CYP26A1: variants seen among roughly 807,000 people sequenced by gnomAD.
CYP26A1 encodes the protein cytochrome P450 family 26 subfamily A member 1, also known as cytochrome P450 26A1.
CYP26A1 carries 46 observed loss-of-function variants against 47.4 expected under a neutral mutation model. That is an observed-to-expected ratio of 0.97 (90% CI 0.77 to 1.24). CYP26A1 has a LOEUF of 1.24. Ranked by LOEUF, CYP26A1 falls within the 50% of genes most tolerant of loss-of-function variation. The pLI, the probability that CYP26A1 is intolerant of heterozygous loss-of-function variation, is 0.00. For missense variants in CYP26A1, 680 were observed against 644.4 expected (o/e 1.06, Z -0.60); for synonymous variants, 277 against 263.7 (o/e 1.05, Z -0.49).
intron 6 of CYP26A1, 100 bp downstream of exon 6, chr10:93,076,796 T>G (rs1846983577): frequency 1.9e-6 from 2 of 1,039,690 alleles, no homozygotes; most frequent in South Asian, 3.1e-5. Context: ...TGATAATTGT[T>G]CTGCCCTATA....
At position 93,074,766 on chromosome 10, in the gene CYP26A1, C is replaced by T. The variant is rs2086021625; in HGVS notation, c.415-13C>T. ...ATGGAGGCTTTTAACGCTGTCCCCT[C>T]CTCGGGACTCAGGTGATTATGCGGG... is the stretch of plus-strand genomic sequence containing the variant. On this transcript the variant is annotated splice_polypyrimidine_tract_variant and intron_variant, in intron 2 of 6. Coordinates refer to ENST00000224356, the MANE Select transcript of CYP26A1 (RefSeq NM_000783.4). This position sits in a 1 kb window ranked among gnomAD's most constrained non-coding sequence, Gnocchi z 5.3. 1.9e-6 allele frequency: 3 copies of T among 1,593,148 alleles called. No homozygotes were observed. Among genetic ancestry groups the T allele is most frequent in the Non-Finnish European group, 2.6e-6 (3 of 1,173,882 alleles).
At position 93,074,606 on chromosome 10, in the gene CYP26A1, A is replaced by G; in HGVS notation, c.414+74A>G. 1 of 1,152,384 alleles carries G rather than the reference A, an allele frequency of 8.7e-7. No individual in the cohort carries two copies. Among genetic ancestry groups the G allele is most frequent in the South Asian group, 1.2e-5 (1 of 80,228 alleles). The allele number at this position is 1,152,384 out of a possible 1,614,324, so 71.4% of individuals were successfully genotyped here. On this transcript the variant is annotated intron_variant, in intron 2 of 6. Transcript: ENST00000224356. The surrounding 1 kb of genome is among the most constrained non-coding windows in gnomAD (Gnocchi z 5.3). Reference sequence around the variant, plus strand: ...AGCGGAATTCCGGCTGATGGATGCTAGGCGCGGGCTAGCAGCTTGAGGTGG... The same window carrying G: ...AGCGGAATTCCGGCTGATGGATGCTGGGCGCGGGCTAGCAGCTTGAGGTGG...
At chr10:93,076,394 A>C in intron 5 of CYP26A1, 150 bp from the exon 6 acceptor site, 5 of 590,274 alleles carry the variant, frequency 8.5e-6, no homozygotes, top group Non-Finnish European at 1.2e-5. Context: ...TGGGCAGGCA[A>C]ATGGCCATTA....
chr10:93,076,058 TA>T, intron 5 of CYP26A1, 98 bp downstream of exon 5: 1 of 977,158 alleles, frequency 1.0e-6, no homozygotes, highest in Admixed American at 2.0e-5. Context: ...CTTCATGGAG[TA>T]TTTTGAAAGT....
chr10:93,077,155 A>G lies in CYP26A1; in HGVS notation c.1345A>G (p.Lys449Glu). 6.2e-7 allele frequency: 1 copy of G among 1,613,978 alleles called. No homozygotes were observed. The highest frequency in any genetic ancestry group is 2.2e-5 in the East Asian group (1 of 44,878). ...GAGCTGTGTAGGCAAAGAATTTGCA[A>G]AAATTCTTCTCAAAATATTTACAGT... ...LRSCVGKEFAKILLKIFTVEL... is the reference protein window; with the variant it reads ...LRSCVGKEFAEILLKIFTVEL... The change falls in exon 7 of 7, where the codon AAA (lysine) becomes GAA (glutamate). Residue 449 changes from lysine (K) to glutamate (E), a missense_variant. Transcript: ENST00000224356.
chr10:93,075,772 T>G, intron 4 of CYP26A1, 54 bp from the exon 5 acceptor site: 1 of 1,449,246 alleles, frequency 6.9e-7, no homozygotes, highest in Admixed American at 1.7e-5. Flanking sequence ...TGAGTAATCC[T>G]TCTGTCAAAC....
chr10:93,073,766 G>T (rs1176105594), upstream of CYP26A1: 1 of 565,334 alleles, frequency 1.8e-6, no homozygotes, highest in Non-Finnish European at 3.1e-6. Flanking sequence ...AGCGCCTCGC[G>T]GGGGGAGGAG....
At chr10:93,076,742 ACTC>A (rs1431867009) in intron 6 of CYP26A1, 46 bp downstream of exon 6, 1 of 1,405,840 alleles carries the variant, frequency 7.1e-7, no homozygotes, top group Non-Finnish European at 9.9e-7. Context: ...TGGTTTAAAA[ACTC>A]CTCTTTCTTC....
Position 93,074,421 on chromosome 10 carries a change from G to C in CYP26A1, c.303G>C (p.Leu101Phe). 3.1e-6 allele frequency: 5 copies of C among 1,612,236 alleles called. No homozygotes were observed. The highest frequency in any genetic ancestry group is 4.2e-6 in the Non-Finnish European group (5 of 1,178,902). ...GCGCGGACAATGTGCGGCGCATCTT[G>C]CTCGGAGAGCACCGGCTGGTGTCGG... ...VMGADNVRRI[L>F]LGEHRLVSVH... The change falls in exon 2 of 7, where the codon TTG becomes TTC. Residue 101 changes from leucine to phenylalanine, a missense_variant. Physicochemically the swap from Leu to Phe is conservative, Grantham distance 22. Transcript: ENST00000224356. The surrounding 1 kb of genome is among the most constrained non-coding windows in gnomAD (Gnocchi z 5.3).
Position 93,074,571 on chromosome 10 carries a change from C to A in CYP26A1, c.414+39C>A. On this transcript the variant is annotated intron_variant, in intron 2 of 6. Transcript: ENST00000224356. This position sits in a 1 kb window ranked among gnomAD's most constrained non-coding sequence, Gnocchi z 5.3. ...GCGACGGCTGGACAGGGAGGGGGAC[C>A]CCATTTATGAGCGGAATTCCGGCTG... 1 of 1,334,512 alleles carries A rather than the reference C, an allele frequency of 7.5e-7. No homozygotes were observed. The highest frequency in any genetic ancestry group is 1.1e-6 in the Non-Finnish European group (1 of 926,730). The allele number at this position is 1,334,512 out of a possible 1,614,324, so 82.7% of individuals were successfully genotyped here. A position where few individuals can be genotyped will look rare whatever the true frequency, so the allele number is the denominator to read the frequency against.
chr10:93,073,678 C>T (rs763555752), upstream of CYP26A1: 32 of 522,374 alleles, frequency 6.1e-5, no homozygotes, highest in Middle Eastern at 5.0e-4. Context: ...CCCCGCACCC[C>T]AGGAGGCGCG....
At position 93,077,396 on chromosome 10, in the gene CYP26A1, G is replaced by A; in HGVS notation, c.*92G>A. On this transcript the variant is annotated 3_prime_UTR_variant, in exon 7 of 7. Coordinates refer to ENST00000224356, the MANE Select transcript of CYP26A1 (RefSeq NM_000783.4). ...TTGACTTTATATTTAATTTCTAAAT[G>A]TATATTATAATATTTATGTGTTTTG... The A allele has an allele frequency of 1.9e-6, 1 of 514,236 alleles. No individual in the cohort carries two copies. Among genetic ancestry groups the A allele is most frequent in the Non-Finnish European group, 3.2e-6 (1 of 312,168 alleles). The allele number at this position is 514,236 out of a possible 1,614,324, so 31.9% of individuals were successfully genotyped here.
At chr10:93,073,770 G>A (rs1012418547), upstream of CYP26A1, 1 of 567,612 alleles carries the variant, frequency 1.8e-6, no homozygotes, top group Non-Finnish European at 3.1e-6. Context: ...CCTCGCGGGG[G>A]GAGGAGCCAG....
Position 93,074,863 on chromosome 10 carries a change from T to G in CYP26A1, c.499T>G (p.Trp167Gly). Residue 167 changes from tryptophan (W) to glycine (G), a missense_variant, in exon 3 of 7, where the codon TGG becomes GGG. Transcript: ENST00000224356. The surrounding 1 kb of genome is among the most constrained non-coding windows in gnomAD (Gnocchi z 5.3). ...TEEVGSSLEQWLSCGERGLLV... is the reference protein window; with the variant it reads ...TEEVGSSLEQGLSCGERGLLV... ...GGAAGTGGGCAGCAGCCTGGAGCAG[T>G]GGCTGAGCTGCGGCGAGCGCGGCCT... The G allele has an allele frequency of 1.2e-6, 2 of 1,612,620 alleles. No individual in the cohort carries two copies. Among genetic ancestry groups the G allele is most frequent in the Non-Finnish European group, 1.7e-6 (2 of 1,179,838 alleles).
chr10:93,074,247 G>C lies in CYP26A1; in HGVS notation c.190-61G>C. ...TTGCGGCTAGGAGCAGGGCTGGCGG[G>C]AGCGCGGCGCTCCCCGGCGCCCCCT... is the stretch of plus-strand genomic sequence containing the variant. On this transcript the variant is annotated intron_variant, in intron 1 of 6. Transcript: ENST00000224356. This position sits in a 1 kb window ranked among gnomAD's most constrained non-coding sequence, Gnocchi z 5.3. 3 of 1,523,494 alleles carry C rather than the reference G, an allele frequency of 2.0e-6. No individual in the cohort carries two copies. Among genetic ancestry groups the C allele is most frequent in the African/African-American group, 1.4e-5 (1 of 73,034 alleles). The allele number at this position is 1,523,494 out of a possible 1,614,324, so 94.4% of individuals were successfully genotyped here.
Position 93,077,209 on chromosome 10 carries a change from C to T in CYP26A1, c.1399C>T (p.Leu467Phe). Residue 467 changes from leucine (L) to phenylalanine (F), a missense_variant, in exon 7 of 7, where the codon CTT (leucine) becomes TTT (phenylalanine). Transcript: ENST00000224356. ...VELARHCDWQ[L>F]LNGPPTMKTS... Reference sequence around the variant, plus strand: ...GCTGGCCAGGCATTGTGACTGGCAGCTTCTAAATGGACCTCCTACAATGAA... The same window carrying T: ...GCTGGCCAGGCATTGTGACTGGCAGTTTCTAAATGGACCTCCTACAATGAA... 1 of 1,610,312 alleles carries T rather than the reference C, an allele frequency of 6.2e-7. No individual in the cohort carries two copies. Among genetic ancestry groups the T allele is most frequent in the Non-Finnish European group, 8.5e-7 (1 of 1,176,980 alleles).
At position 93,076,534 on chromosome 10, in the gene CYP26A1, G is replaced by A; in HGVS notation, c.1000-10G>A. The A allele has an allele frequency of 6.3e-7, 1 of 1,597,858 alleles. No individual in the cohort carries two copies. The highest frequency in any genetic ancestry group is 1.1e-5 in the South Asian group (1 of 89,050). On this transcript the variant is annotated splice_polypyrimidine_tract_variant and intron_variant, in intron 5 of 6. Coordinates refer to ENST00000224356, the MANE Select transcript of CYP26A1 (RefSeq NM_000783.4). ...AATAACTGTTCACCTCTGTATGACT[G>A]TTTTGATAGGGTTTACTTTGCAAGA... is the stretch of plus-strand genomic sequence containing the variant.
Position 93,073,948 on chromosome 10 carries a change from C to A in CYP26A1, c.14C>A (p.Ala5Glu), listed in dbSNP as rs1378703185. The change falls in exon 1 of 7, where the codon GCG becomes GAG. Residue 5 changes from alanine to glutamate, a missense_variant. Physicochemically the swap from Ala to Glu is moderately radical, Grantham distance 107. Transcript: ENST00000224356. ...TCGCGGCGCGCCATGGGGCTCCCGG[C>A]GCTGCTGGCCAGTGCGCTCTGCACC... MGLP[A>E]LLASALCTFV... 1.7e-5 allele frequency: 18 copies of A among 1,084,656 alleles called. No homozygotes were observed. The highest frequency in any genetic ancestry group is 2.4e-5 in the Non-Finnish European group (17 of 707,868). The allele number at this position is 1,084,656 out of a possible 1,614,324, so 67.2% of individuals were successfully genotyped here.
Position 93,074,870 on chromosome 10 carries a change from G to T in CYP26A1, c.506G>T (p.Ser169Ile), listed in dbSNP as rs1846950224. 1 of 1,612,924 alleles carries T rather than the reference G, an allele frequency of 6.2e-7. No homozygotes were observed. ...EVGSSLEQWL[S>I]CGERGLLVYP... ...GGCAGCAGCCTGGAGCAGTGGCTGA[G>T]CTGCGGCGAGCGCGGCCTCCTGGTC... Residue 169 changes from serine (S) to isoleucine (I), a missense_variant, in exon 3 of 7, where the codon AGC (serine) becomes ATC (isoleucine). Physicochemically the swap from Ser to Ile is moderately radical, Grantham distance 142 (BLOSUM62 -2). Transcript: ENST00000224356. This position sits in a 1 kb window ranked among gnomAD's most constrained non-coding sequence, Gnocchi z 5.3.
Sources: gnomAD v4.1 joint callset for allele counts on GRCh38, gnomAD v4.1.1 for gene constraint, Gnocchi (gnomAD v3.1) non-coding constraint, MANE v1.5 for transcripts, NCBI Gene and HGNC (gene_info 2026-07-23, HGNC 2026-07-21) for gene names.